GALNTL6: variants seen among roughly 807,000 people sequenced by gnomAD.
GALNTL6 encodes polypeptide N-acetylgalactosaminyltransferase-like 6.
In GALNTL6, 46 loss-of-function variants were observed where a neutral mutation model predicts 73.7. The ratio of observed to expected loss-of-function variants is 0.62; its 90% CI spans 0.49 to 0.80. GALNTL6 has a LOEUF of 0.80. GALNTL6 is among the 30% of genes least tolerant of loss of function. The probability of loss-of-function intolerance (pLI) is 0.00; values close to 1 mark genes in which losing one functional copy is unlikely to be tolerated. For synonymous variants in GALNTL6, 259 were observed against 263.7 expected, an observed-to-expected ratio of 0.98 and a Z score of 0.17; for missense variants, 604 against 755.0, an observed-to-expected ratio of 0.80 and a Z score of 2.34.
chr4:172,735,829 A>C (rs925836389), intron 5 of GALNTL6, among the ~76,000 whole-genome samples: 1 of 152,178 alleles, frequency 6.6e-6, no homozygotes, highest in Non-Finnish European at 1.5e-5. Context: ...GGCCGGTCTG[A>C]GAAATAAAGA....
intron 4 of GALNTL6, among the ~76,000 whole-genome samples, chr4:172,318,168 A>G (rs2111158728): frequency 6.6e-6 from 1 of 152,308 alleles, no homozygotes; most frequent in Non-Finnish European, 1.5e-5. Context: ...AGTAATACAG[A>G]CATTAGTACA....
chr4:172,562,959 C>G (rs192956519), intron 5 of GALNTL6, among the ~76,000 whole-genome samples: 2 of 152,334 alleles, frequency 1.3e-5, no homozygotes, highest in Admixed American at 1.3e-4. Flanking sequence ...CCTTCTTCCA[C>G]TGTCCATTTT....
chr4:172,562,169 C>T (rs575563851), intron 5 of GALNTL6, among the ~76,000 whole-genome samples: 1 of 152,112 alleles, frequency 6.6e-6, no homozygotes, highest in Non-Finnish European at 1.5e-5. Flanking sequence ...GGTGTTCTAA[C>T]AACAGCCTCT....
chr4:172,239,569 T>A (rs773492307), intron 3 of GALNTL6, among the ~76,000 whole-genome samples: 3 of 152,190 alleles, frequency 2.0e-5, no homozygotes, highest in Non-Finnish European at 2.9e-5. Context: ...GTATTTTTTT[T>A]ATGTCTCAAT....
intron 2 of GALNTL6, among the ~76,000 whole-genome samples, chr4:172,200,026 A>T (rs1242892602): frequency 1.3e-5 from 2 of 152,190 alleles, no homozygotes; most frequent in Non-Finnish European, 2.9e-5. Flanking sequence ...TAGAGAAGCT[A>T]AGTAACTTTG....
chr4:172,209,467 C>A (rs1190579777), intron 2 of GALNTL6, among the ~76,000 whole-genome samples: 5 of 151,472 alleles, frequency 3.3e-5, no homozygotes, highest in African/African-American at 1.2e-4. Context: ...AATGATGTAC[C>A]TCTAAAAGAC....
At chr4:172,156,559 A>ATATAG (rs1553997746) in intron 2 of GALNTL6, among the ~76,000 whole-genome samples, 2 of 96,092 alleles carry the variant, frequency 2.1e-5, no homozygotes. Flanking sequence ...ATATATATAT[A>ATATAG]TATATATACA....
rs551777795 is a variant in GALNTL6 at position 172,803,260 on chromosome 4, G to A, written c.554-6101G>A. ...TAGGAACCTGGCCACAGCAGGAGGC[G>A]AGCAGCAGGTGAGTAAGGATTACCA... On this transcript the variant is annotated intron_variant, in intron 5 of 12. Transcript: ENST00000506823. Among the ~76,000 whole-genome samples the A allele has an allele frequency of 5.3e-5, 8 of 152,280 alleles. No homozygotes were observed. The South Asian group carries it at 6.2e-4, about 12-fold the overall frequency.
At chr4:172,953,569 A>T (rs966020017) in intron 10 of GALNTL6, among the ~76,000 whole-genome samples, 2 of 152,224 alleles carry the variant, frequency 1.3e-5, no homozygotes, top group African/African-American at 4.8e-5. Context: ...GAGAGGCCAG[A>T]GGACTCAGGC....
chr4:172,031,212 T>A (rs1212105046), intron 2 of GALNTL6, among the ~76,000 whole-genome samples: 1 of 120,224 alleles, frequency 8.3e-6, no homozygotes, highest in Non-Finnish European at 1.9e-5. Flanking sequence ...GGGGAGAGGA[T>A]CCACAGGTAG....
intron 5 of GALNTL6, among the ~76,000 whole-genome samples, chr4:172,719,830 C>CG (rs900400756): frequency 6.6e-5 from 10 of 152,060 alleles, no homozygotes; most frequent in African/African-American, 1.9e-4. Context: ...AGAGCAGCCC[C>CG]GAGGGCTGCT....
intron 2 of GALNTL6, among the ~76,000 whole-genome samples, chr4:171,822,713 A>G (rs889632305): frequency 6.6e-6 from 1 of 152,206 alleles, no homozygotes; most frequent in African/African-American, 2.4e-5. Context: ...TGTGCACCAT[A>G]CTGGGATAGA....
intron 8 of GALNTL6, among the ~76,000 whole-genome samples, chr4:172,904,668 C>A (rs1746793411): frequency 6.6e-6 from 1 of 152,126 alleles, no homozygotes; most frequent in Non-Finnish European, 1.5e-5. Flanking sequence ...GTTCCTTCTG[C>A]AGTATTTTTA....
chr4:171,848,157 C>T (rs1735424119), intron 2 of GALNTL6, among the ~76,000 whole-genome samples: 1 of 152,198 alleles, frequency 6.6e-6, no homozygotes, highest in Admixed American at 6.5e-5. Context: ...TCTCCTTGTA[C>T]ATCTTAATCA....
At chr4:172,193,556 TAA>T (rs34897120) in intron 2 of GALNTL6, among the ~76,000 whole-genome samples, 66,521 of 151,792 alleles carry the variant, frequency 0.44, 16,917 homozygotes, top group East Asian at 0.8. Context: ...TGAAGGTAGA[TAA>T]GTGGTGAATA....
chr4:172,181,573 A>G (rs912452473), intron 2 of GALNTL6, among the ~76,000 whole-genome samples: 2 of 152,124 alleles, frequency 1.3e-5, no homozygotes, highest in African/African-American at 4.8e-5. Flanking sequence ...CACCTATTCA[A>G]CGTAGTATTG....
intron 3 of GALNTL6, among the ~76,000 whole-genome samples, chr4:172,258,288 CTATGATTTTTCATTAG>C (rs1342756475): frequency 1.3e-5 from 2 of 151,142 alleles, no homozygotes; most frequent in Admixed American, 1.3e-4. Flanking sequence ...GCCTTCACTC[CTATGATTTTTCATTAG>C]TATGTTATTT....
At chr4:173,005,319 G>A (rs1351748720) in intron 10 of GALNTL6, among the ~76,000 whole-genome samples, 1 of 151,862 alleles carries the variant, frequency 6.6e-6, no homozygotes, top group East Asian at 1.9e-4. Flanking sequence ...TCAGGATTCC[G>A]TGACACAATT....
At chr4:173,022,490 A>G (rs1753058211) in intron 12 of GALNTL6, among the ~76,000 whole-genome samples, 2 of 152,258 alleles carry the variant, frequency 1.3e-5, no homozygotes, top group Admixed American at 1.3e-4. Context: ...ATAATTTTTA[A>G]CATCACCATT....
Sources: gnomAD v4.1 joint callset for allele counts (sites outside exome capture counted in the v4.1 genomes callset) on GRCh38, gnomAD v4.1.1 for gene constraint, MANE v1.5 for transcripts, NCBI Gene and HGNC (gene_info 2026-07-23, HGNC 2026-07-21) for gene names.